MSN: variants seen among roughly 807,000 people sequenced by gnomAD.
MSN encodes the protein epididymis luminal protein 70.
In MSN, 2 loss-of-function variants were observed where a neutral mutation model predicts 48.0. The ratio of observed to expected loss-of-function variants is 0.04; its 90% CI spans 0.02 to 0.13. The LOEUF is 0.13. Ranked by LOEUF, MSN falls within the 10% of genes least tolerant of loss-of-function variation. The pLI is 1.00. For missense variants in MSN, 267 were observed against 470.1 expected (o/e 0.57, Z 3.99); for synonymous variants, 146 against 166.9 (o/e 0.87, Z 0.97).
chrX:65,675,447 T>C (rs1196530728), intron 1 of MSN, among the ~76,000 whole-genome samples: 1 of 110,472 alleles, frequency 9.1e-6, no homozygotes, highest in African/African-American at 3.3e-5. Flanking sequence ...CCTAGACCAA[T>C]GCTCTCTTGA....
intron 1 of MSN, among the ~76,000 whole-genome samples, chrX:65,642,234 A>C (rs1178768057): frequency 9.0e-6 from 1 of 110,564 alleles, no homozygotes; most frequent in African/African-American, 3.3e-5. Context: ...ATGAAACACT[A>C]TGAAGCCACA....
At chrX:65,593,611 C>A (rs1364750832) in intron 1 of MSN, among the ~76,000 whole-genome samples, 1 of 111,915 alleles carries the variant, frequency 8.9e-6, no homozygotes, top group Non-Finnish European at 1.9e-5. Context: ...GGCATGATCT[C>A]AGCTCACTGC....
intron 1 of MSN, among the ~76,000 whole-genome samples, chrX:65,641,747 AT>A (rs2070655882): frequency 9.5e-6 from 1 of 105,407 alleles, no homozygotes; most frequent in African/African-American, 3.4e-5. Context: ...AAAATTTAAA[AT>A]TTGTTTACTG....
chrX:65,691,390 A>G (rs961389316), intron 1 of MSN, among the ~76,000 whole-genome samples: 34 of 112,260 alleles, frequency 3.0e-4, no homozygotes, highest in African/African-American at 1.1e-3. Context: ...GGCTGCATCC[A>G]CAGTTGGCTG....
chrX:65,628,482 G>A lies in MSN; in HGVS notation c.-22+39870G>A, dbSNP rs765478306. On this transcript the variant is annotated intron_variant, in intron 1 of 3. Transcript: ENST00000609672. The stretch of plus-strand genomic sequence containing the variant: ...ATGGCTGGAGTGGCTGGGACACAGG[G>A]CACCAAGTCCCTAGGCTGCACGCAG... Among the ~76,000 whole-genome samples the A allele has an allele frequency of 2.7e-5, 3 of 111,746 alleles. No homozygotes were observed. The South Asian group carries it at 1.1e-3, about 42-fold the overall frequency.
chrX:65,644,924 G>A (rs751967766), intron 1 of MSN, among the ~76,000 whole-genome samples: 8 of 112,527 alleles, frequency 7.1e-5, no homozygotes, highest in Non-Finnish European at 1.3e-4. Flanking sequence ...GATTTAAATA[G>A]CCACTCATAA....
chrX:65,615,119 G>T (rs1434091863), intron 1 of MSN, among the ~76,000 whole-genome samples: 1 of 109,082 alleles, frequency 9.2e-6, no homozygotes, highest in Non-Finnish European at 1.9e-5. Context: ...GGACATTTGA[G>T]TTGGTTCCAA....
intron 1 of MSN, among the ~76,000 whole-genome samples, chrX:65,609,271 A>G (rs1437051003): frequency 3.7e-5 from 4 of 108,366 alleles, no homozygotes; most frequent in Non-Finnish European, 5.7e-5. Context: ...GGAGAAGTAA[A>G]AGCCAGTGAA....
At chrX:65,670,233 AG>A (rs1210569188) in intron 1 of MSN, among the ~76,000 whole-genome samples, 4 of 112,024 alleles carry the variant, frequency 3.6e-5, no homozygotes, top group Non-Finnish European at 7.5e-5. Context: ...TTTAATTAAA[AG>A]GGGAAAAAAT....
chrX:65,702,682 A>G (rs892808069), intron 1 of MSN, among the ~76,000 whole-genome samples: 1 of 110,732 alleles, frequency 9.0e-6, no homozygotes, highest in Non-Finnish European at 1.9e-5. Flanking sequence ...AACAAAACAA[A>G]ACAAAACAAA....
intron 8 of MSN, among the ~76,000 whole-genome samples, chrX:65,736,316 G>A (rs2071675234): frequency 9.0e-6 from 1 of 110,992 alleles, no homozygotes; most frequent in African/African-American, 3.3e-5. Context: ...CCTATGTGGG[G>A]CTATGATATG....
At chrX:65,728,994 C>T (rs2071596150) in intron 3 of MSN, among the ~76,000 whole-genome samples, 1 of 111,820 alleles carries the variant, frequency 8.9e-6, no homozygotes, top group Non-Finnish European at 1.9e-5. Flanking sequence ...ACTAGTATTC[C>T]ATTTCAGGCT....
chrX:65,638,484 C>T (rs1461956154), intron 1 of MSN, among the ~76,000 whole-genome samples: 5 of 112,761 alleles, frequency 4.4e-5, no homozygotes, highest in Admixed American at 2.8e-4. Context: ...GTGGCATCTG[C>T]GGTTCCTAGC....
chrX:65,736,068 G>A (rs931088437), intron 8 of MSN, among the ~76,000 whole-genome samples: 23 of 112,186 alleles, frequency 2.1e-4, no homozygotes, highest in African/African-American at 6.8e-4. Flanking sequence ...GGCAGGCAGT[G>A]TTAGACCTGA....
intron 1 of MSN, chrX:65,589,692 G>A (rs1422199655): frequency 1.8e-5 from 2 of 111,534 alleles, no homozygotes; most frequent in African/African-American, 6.5e-5. Context: ...TCCATGGAGG[G>A]CTTGGATAAT....
chrX:65,692,701 C>T (rs754804140), intron 1 of MSN, among the ~76,000 whole-genome samples: 4 of 111,374 alleles, frequency 3.6e-5, no homozygotes, highest in South Asian at 3.7e-4. Flanking sequence ...TGTTTTCAGA[C>T]GGAGTTTTGC....
chrX:65,612,678 AGCTTC>A (rs1002625522), intron 1 of MSN, among the ~76,000 whole-genome samples: 1 of 108,924 alleles, frequency 9.2e-6, no homozygotes, highest in Non-Finnish European at 1.9e-5. Context: ...CTCCTGCCTC[AGCTTC>A]TCAAGTAGCT....
intron 1 of MSN, among the ~76,000 whole-genome samples, chrX:65,629,761 A>G (rs960105466): frequency 8.9e-6 from 1 of 111,807 alleles, no homozygotes; most frequent in Non-Finnish European, 1.9e-5. Flanking sequence ...ACTCGCCCCC[A>G]TGATTAAATT....
At chrX:65,602,436 G>C (rs1180014953) in intron 1 of MSN, among the ~76,000 whole-genome samples, 1 of 111,265 alleles carries the variant, frequency 9.0e-6, no homozygotes, top group Non-Finnish European at 1.9e-5. Flanking sequence ...CCCCTCCCAT[G>C]CTTCCTTCAT....
Sources: allele counts gnomAD v4.1 joint callset (sites outside exome capture counted in the v4.1 genomes callset), GRCh38; gene constraint gnomAD v4.1.1; transcripts MANE v1.5; gene names NCBI Gene and HGNC (gene_info 2026-07-23, HGNC 2026-07-21).